Variants in CTNNA2 observed in about 807,000 individuals in gnomAD.
CTNNA2 encodes catenin alpha-2.
CTNNA2 carries 42 observed loss-of-function variants against 101.0 expected under a neutral mutation model. The ratio of observed to expected loss-of-function variants is 0.42; its 90% CI spans 0.32 to 0.54. The LOEUF is 0.54. CTNNA2 is among the 20% of genes least tolerant of loss of function. The pLI, the probability that CTNNA2 is intolerant of heterozygous loss-of-function variation, is 0.14. For synonymous variants in CTNNA2, 450 were observed against 456.4 expected, an observed-to-expected ratio of 0.99 and a Z score of 0.18; for missense variants, 871 against 1,223.1, an observed-to-expected ratio of 0.71 and a Z score of 4.29.
chr2:80,422,741 A>G (rs1680641351), intron 9 of CTNNA2, among the ~76,000 whole-genome samples: 1 of 152,134 alleles, frequency 6.6e-6, no homozygotes, highest in Non-Finnish European at 1.5e-5. Flanking sequence ...ATTGATATCA[A>G]AGTTATGCTT....
At position 80,348,057 on chromosome 2, in the gene CTNNA2, A is replaced by G. The variant is rs528999678; in HGVS notation, c.1057-45154A>G. On this transcript the variant is annotated intron_variant, in intron 7 of 18. Coordinates refer to ENST00000402739, the MANE Select transcript of CTNNA2 (RefSeq NM_001282597.3). The stretch of plus-strand genomic sequence containing the variant: ...GGTACAACAGAGTTTGAGAGCCTCT[A>G]GTTCAGAGCAGAACCAGAATGCATC... 4.9e-4 allele frequency among the ~76,000 whole-genome samples: 74 copies of G among 152,160 alleles called. 1 individual carries two copies. Among genetic ancestry groups the G allele is most frequent in the African/African-American group, 1.7e-3 (70 of 41,524 alleles).
intron 4 of CTNNA2, among the ~76,000 whole-genome samples, chr2:79,409,246 G>A (rs1678379272): frequency 1.3e-5 from 2 of 152,066 alleles, no homozygotes; most frequent in Non-Finnish European, 2.9e-5. Flanking sequence ...CCATTTTGTA[G>A]GTTGCCTGTT....
chr2:80,438,471 C>T (rs1057429729), intron 9 of CTNNA2, among the ~76,000 whole-genome samples: 6 of 151,754 alleles, frequency 4.0e-5, no homozygotes, highest in Admixed American at 3.3e-4. Flanking sequence ...AGCAGAAATA[C>T]TTTCATTTGT....
chr2:80,568,056 C>G (rs1196513806), intron 12 of CTNNA2, among the ~76,000 whole-genome samples: 3 of 152,154 alleles, frequency 2.0e-5, no homozygotes, highest in African/African-American at 7.2e-5. Context: ...ATGTGCTTGA[C>G]TGGCCTTGGC....
chr2:79,290,601 A>T (rs1248898386), intron 2 of CTNNA2, among the ~76,000 whole-genome samples: 1 of 152,114 alleles, frequency 6.6e-6, no homozygotes, highest in Admixed American at 6.5e-5. Context: ...AGAACACACA[A>T]GCGGCTGGAC....
chr2:80,000,729 TTC>T (rs375777328), intron 7 of CTNNA2, among the ~76,000 whole-genome samples: 10 of 152,248 alleles, frequency 6.6e-5, no homozygotes, highest in African/African-American at 2.2e-4. Flanking sequence ...AAGGAAGAAG[TTC>T]TCTCTCTCTG....
At chr2:80,306,337 A>G (rs1403198637) in intron 7 of CTNNA2, among the ~76,000 whole-genome samples, 2 of 152,210 alleles carry the variant, frequency 1.3e-5, no homozygotes, top group Non-Finnish European at 2.9e-5. Flanking sequence ...CCAAGGTCAT[A>G]CAGCTTGCAA....
chr2:79,776,316 A>G (rs548072789), intron 3 of CTNNA2, among the ~76,000 whole-genome samples: 18 of 152,296 alleles, frequency 1.2e-4, no homozygotes, highest in African/African-American at 3.8e-4. Flanking sequence ...GAAAGGTACT[A>G]TGTGATTCTT....
chr2:79,977,495 C>G (rs530994113), intron 7 of CTNNA2, among the ~76,000 whole-genome samples: 1 of 152,140 alleles, frequency 6.6e-6, no homozygotes. Context: ...CCTATTTAGA[C>G]TTGCCTATTT....
chr2:80,297,028 C>T (rs958970360), intron 7 of CTNNA2, among the ~76,000 whole-genome samples: 2 of 152,140 alleles, frequency 1.3e-5, no homozygotes, highest in Non-Finnish European at 2.9e-5. Context: ...TTTAAGGGGT[C>T]GGACTGAATG....
intron 3 of CTNNA2, among the ~76,000 whole-genome samples, chr2:79,827,546 C>T (rs1201943082): frequency 2.6e-5 from 4 of 152,056 alleles, no homozygotes; most frequent in African/African-American, 4.8e-5. Flanking sequence ...TGGGTGATGA[C>T]CAAGGAGCAT....
At chr2:80,227,143 C>T (rs1207042723) in intron 7 of CTNNA2, among the ~76,000 whole-genome samples, 1 of 152,128 alleles carries the variant, frequency 6.6e-6, no homozygotes, top group African/African-American at 2.4e-5. Context: ...TTAGGGTTCC[C>T]TTTATTATAT....
At chr2:80,552,095 TTTA>T (rs1419589831) in intron 11 of CTNNA2, among the ~76,000 whole-genome samples, 6 of 152,182 alleles carry the variant, frequency 3.9e-5, no homozygotes, top group Non-Finnish European at 7.3e-5. Context: ...ACGCCCGACA[TTTA>T]TTGTTTGCCT....
chr2:80,391,954 G>A (rs1030210406), intron 7 of CTNNA2, among the ~76,000 whole-genome samples: 2 of 152,168 alleles, frequency 1.3e-5, no homozygotes, highest in Non-Finnish European at 2.9e-5. Context: ...ATATGCCTTG[G>A]TTTGGGCTTT....
At chr2:80,474,155 A>C (rs1490651652) in intron 9 of CTNNA2, among the ~76,000 whole-genome samples, 2 of 152,244 alleles carry the variant, frequency 1.3e-5, no homozygotes, top group African/African-American at 2.4e-5. Flanking sequence ...TCTATGTTTT[A>C]ACAACAGTAA....
intron 2 of CTNNA2, among the ~76,000 whole-genome samples, chr2:79,725,201 C>T (rs935019421): frequency 9.9e-5 from 15 of 152,122 alleles, no homozygotes; most frequent in Non-Finnish European, 2.9e-5. Context: ...ACATCTCTGT[C>T]TAAATTGTTA....
chr2:79,721,995 A>G (rs1454220564), intron 2 of CTNNA2, among the ~76,000 whole-genome samples: 2 of 152,216 alleles, frequency 1.3e-5, no homozygotes, highest in Admixed American at 1.3e-4. Flanking sequence ...AAGCGTGTTT[A>G]TAATATTTCT....
At chr2:79,996,860 T>C (rs563138331) in intron 7 of CTNNA2, among the ~76,000 whole-genome samples, 1 of 152,136 alleles carries the variant, frequency 6.6e-6, no homozygotes, top group African/African-American at 2.4e-5. Context: ...ATGGCTGCCA[T>C]GGGGAAGACA....
chr2:79,872,821 C>G (rs942683045), intron 5 of CTNNA2, among the ~76,000 whole-genome samples: 1 of 151,820 alleles, frequency 6.6e-6, no homozygotes, highest in East Asian at 2.0e-4. Flanking sequence ...GGTTCAAATA[C>G]GCTTTACTGA....
Sources: gnomAD v4.1 joint callset for allele counts (sites outside exome capture counted in the v4.1 genomes callset) on GRCh38, gnomAD v4.1.1 for gene constraint, MANE v1.5 for transcripts, NCBI Gene and HGNC (gene_info 2026-07-23, HGNC 2026-07-21) for gene names.